The following GRM5 variants were observed in gnomAD, a reference collection of about 807,000 sequenced individuals.
GRM5 encodes glutamate metabotropic receptor 5.
Under a neutral mutation model 83.1 loss-of-function variants are expected in GRM5, and 19 were observed. That is an observed-to-expected ratio of 0.23 (90% CI 0.16 to 0.34). GRM5 has a LOEUF of 0.34. Among genes scored for constraint, GRM5 ranks in the 10% least tolerant of loss-of-function variants. The probability of loss-of-function intolerance (pLI) is 1.00; values close to 1 mark genes in which losing one functional copy is unlikely to be tolerated. For missense variants in GRM5, 1,160 were observed against 1,588.3 expected, an observed-to-expected ratio of 0.73 and a Z score of 4.58; for synonymous variants, 675 against 633.6, an observed-to-expected ratio of 1.07 and a Z score of -0.98.
At chr11:88,651,125 T>C (rs1458132448) in intron 4 of GRM5, among the ~76,000 whole-genome samples, 1 of 151,946 alleles carries the variant, frequency 6.6e-6, no homozygotes, top group East Asian at 1.9e-4. Flanking sequence ...AGCAGCAAGG[T>C]CAAGGGAGGA....
intron 8 of GRM5, among the ~76,000 whole-genome samples, chr11:88,528,022 A>G (rs1396461448): frequency 6.6e-6 from 1 of 152,034 alleles, no homozygotes; most frequent in Non-Finnish European, 1.5e-5. Flanking sequence ...TCTGCATATT[A>G]TACCCCTGCA....
chr11:88,970,435 A>G (rs1440135023), intron 2 of GRM5, among the ~76,000 whole-genome samples: 15 of 152,278 alleles, frequency 9.9e-5, no homozygotes, highest in South Asian at 6.2e-4. Context: ...GAAATGGCAC[A>G]TATCACTTCT....
intron 3 of GRM5, among the ~76,000 whole-genome samples, chr11:88,659,583 TTTATAA>T (rs1482185180): frequency 1.3e-5 from 2 of 152,188 alleles, no homozygotes; most frequent in Non-Finnish European, 2.9e-5. Flanking sequence ...GTATTTTAAC[TTTATAA>T]TTATTTCTAT....
chr11:88,968,146 C>T (rs552372808), intron 2 of GRM5, among the ~76,000 whole-genome samples: 1 of 152,086 alleles, frequency 6.6e-6, no homozygotes, highest in Non-Finnish European at 1.5e-5. Flanking sequence ...ATATTAAAAT[C>T]ATTGTTAATT....
intron 2 of GRM5, among the ~76,000 whole-genome samples, chr11:88,894,262 C>T (rs316100): frequency 0.51 from 76,763 of 151,738 alleles, 20,058 homozygotes; most frequent in South Asian, 0.6. Context: ...AATCAGACAC[C>T]GCCACCTCAA....
rs536358408 is a variant in GRM5 at position 88,693,313 on chromosome 11, T to C, written c.912-39910A>G. On this transcript the variant is annotated intron_variant, in intron 3 of 9. Transcript: ENST00000305447. ...AATTTTCCACTAATATAAATGAACA[T>C]GTATAAAGGCTAGTATGGAAATACA... is the stretch of plus-strand genomic sequence containing the variant. 3.9e-5 allele frequency among the ~76,000 whole-genome samples: 6 copies of C among 152,146 alleles called. No homozygotes were observed. In the South Asian group the frequency reaches 1.2e-3, roughly 32 times the overall value.
At chr11:89,055,219 T>C (rs190298949) in intron 1 of GRM5, among the ~76,000 whole-genome samples, 38 of 152,348 alleles carry the variant, frequency 2.5e-4, no homozygotes, top group Non-Finnish European at 3.5e-4. Context: ...TGAATTGGAA[T>C]CCTGGCACAG....
chr11:88,755,186 T>C (rs1942371773), intron 3 of GRM5, among the ~76,000 whole-genome samples: 1 of 152,130 alleles, frequency 6.6e-6, no homozygotes, highest in African/African-American at 2.4e-5. Context: ...AGATATCTCA[T>C]CAAAGACAAG....
chr11:88,908,152 C>G (rs138530130), intron 2 of GRM5, among the ~76,000 whole-genome samples: 1 of 152,060 alleles, frequency 6.6e-6, no homozygotes, highest in South Asian at 2.1e-4. Flanking sequence ...TCCATACAAA[C>G]ATCATGTTTT....
At chr11:88,614,135 T>A (rs1197286084) in intron 4 of GRM5, among the ~76,000 whole-genome samples, 1 of 152,166 alleles carries the variant, frequency 6.6e-6, no homozygotes, top group Non-Finnish European at 1.5e-5. Flanking sequence ...AAAGGTGGGT[T>A]TGAGTCTCAT....
At chr11:88,558,347 C>T (rs1208851751) in intron 8 of GRM5, among the ~76,000 whole-genome samples, 3 of 152,136 alleles carry the variant, frequency 2.0e-5, no homozygotes, top group Admixed American at 1.3e-4. Flanking sequence ...TTGTTGTTCT[C>T]ACTGCTTTTG....
intron 4 of GRM5, among the ~76,000 whole-genome samples, chr11:88,634,559 A>C (rs2135276422): frequency 6.6e-6 from 1 of 152,116 alleles, no homozygotes; most frequent in South Asian, 2.1e-4. Context: ...ACTGTCTCCC[A>C]CCTCCACATC....
intron 4 of GRM5, among the ~76,000 whole-genome samples, chr11:88,645,568 G>A (rs929635601): frequency 7.2e-5 from 11 of 152,114 alleles, no homozygotes. Context: ...AGTTTTGACT[G>A]AGGCAGAGTT....
At chr11:88,803,486 T>C (rs1198112318) in intron 3 of GRM5, among the ~76,000 whole-genome samples, 1 of 151,822 alleles carries the variant, frequency 6.6e-6, no homozygotes, top group Non-Finnish European at 1.5e-5. Context: ...TAGCCATATG[T>C]AGAAAGCTGA....
At chr11:88,732,130 C>G (rs1941819670) in intron 3 of GRM5, among the ~76,000 whole-genome samples, 1 of 152,026 alleles carries the variant, frequency 6.6e-6, no homozygotes, top group Non-Finnish European at 1.5e-5. Flanking sequence ...ACACACTGTA[C>G]ATGTCTCTAT....
intron 8 of GRM5, among the ~76,000 whole-genome samples, chr11:88,550,340 A>G (rs1296921009): frequency 1.3e-5 from 2 of 152,166 alleles, no homozygotes; most frequent in African/African-American, 4.8e-5. Context: ...CCACTTTCTA[A>G]AATACATGTT....
At position 88,640,197 on chromosome 11, in the gene GRM5, G is replaced by A; in HGVS notation, c.1147+12971C>T. Among the ~76,000 whole-genome samples, 2 of 152,202 alleles carry A rather than the reference G, an allele frequency of 1.3e-5. 1 individual carries two copies. ...GTCACATGAAATTCTAATTAATTTT[G>A]TCTGATATGAAGACACAAATGGGCT... On this transcript the variant is annotated intron_variant, in intron 4 of 9. Coordinates refer to ENST00000305447, the MANE Select transcript of GRM5 (RefSeq NM_001143831.3).
At position 88,508,765 on chromosome 11, in the gene GRM5, C is replaced by G. The variant is rs1941255264; in HGVS notation, c.3466G>C (p.Asp1156His). The G allele has an allele frequency of 2.0e-6, 3 of 1,513,054 alleles. No homozygotes were observed. The highest frequency in any genetic ancestry group is 2.3e-5 in the Admixed American group (1 of 43,970). 93.7% of individuals were successfully genotyped at this position (1,513,054 alleles called of 1,614,324 possible). A position where few individuals can be genotyped will look rare whatever the true frequency, so the allele number is the denominator to read the frequency against. ...GTGAGAGCCACCAGCTCCTCCAGGT[C>G]TGGCTTGGCGGCCGCAGCCTCGGGA... is the stretch of plus-strand genomic sequence containing the variant. ...AGPEAAAAKPDLEELVALTPP... is the reference protein window; with the variant it reads ...AGPEAAAAKPHLEELVALTPP... The change falls in exon 10 of 10, where the codon GAC becomes CAC. Residue 1156 changes from aspartate (D) to histidine (H), a missense_variant. By Grantham distance (81) the Asp-to-His change is moderately conservative (BLOSUM62 -1). Transcript: ENST00000305447. The surrounding 1 kb of genome is among the most constrained non-coding windows in gnomAD (Gnocchi z 4.2).
At chr11:88,636,495 C>G (rs887725997) in intron 4 of GRM5, among the ~76,000 whole-genome samples, 14 of 151,754 alleles carry the variant, frequency 9.2e-5, no homozygotes, top group African/African-American at 3.4e-4. Flanking sequence ...CACTGCACTA[C>G]AGCCTGGGTG....
Sources: allele counts gnomAD v4.1 joint callset (sites outside exome capture counted in the v4.1 genomes callset), GRCh38; gene constraint gnomAD v4.1.1; non-coding constraint Gnocchi (gnomAD v3.1); transcripts MANE v1.5; gene names NCBI Gene and HGNC (gene_info 2026-07-23, HGNC 2026-07-21).